The following FCHO2 variants were observed in gnomAD, a reference collection of about 807,000 sequenced individuals.
FCHO2 encodes F-BAR domain only protein 2.
Under a neutral mutation model 114.1 loss-of-function variants are expected in FCHO2, and 43 were observed. That is an observed-to-expected ratio of 0.38 (90% CI 0.30 to 0.49). The LOEUF (loss-of-function observed/expected upper bound fraction) is 0.49. FCHO2 is among the 20% of genes least tolerant of loss of function. The probability of loss-of-function intolerance (pLI) is 0.97; values close to 1 mark genes in which losing one functional copy is unlikely to be tolerated. For synonymous variants in FCHO2, 293 were observed against 315.2 expected (o/e 0.93, Z 0.75); for missense variants, 807 against 950.4 (o/e 0.85, Z 1.98).
intron 1 of FCHO2, among the ~76,000 whole-genome samples, chr5:72,957,245 T>TAA (rs1373472269): frequency 2.0e-5 from 3 of 151,076 alleles, no homozygotes; most frequent in Non-Finnish European, 3.0e-5. Flanking sequence ...TCCGTACCAA[T>TAA]ACACTCATTT....
At chr5:72,995,906 A>G (rs1253250074) in intron 5 of FCHO2, among the ~76,000 whole-genome samples, 1 of 152,124 alleles carries the variant, frequency 6.6e-6, no homozygotes, top group Admixed American at 6.6e-5. Flanking sequence ...CATTCAAACC[A>G]TAGCAGCTCC....
intron 8 of FCHO2, among the ~76,000 whole-genome samples, chr5:73,026,660 A>G (rs1402370824): frequency 5.9e-5 from 9 of 152,016 alleles, no homozygotes; most frequent in Admixed American, 4.6e-4. Flanking sequence ...TACTTATTGT[A>G]TGTACTGACA....
chr5:72,968,910 A>G (rs1016710431), intron 2 of FCHO2, among the ~76,000 whole-genome samples: 5 of 152,206 alleles, frequency 3.3e-5, no homozygotes, highest in African/African-American at 1.2e-4. Flanking sequence ...AACATTTGTT[A>G]ACCATGCTAA....
chr5:73,084,331 TC>T (rs1743220479), intron 24 of FCHO2, among the ~76,000 whole-genome samples: 1 of 152,190 alleles, frequency 6.6e-6, no homozygotes, highest in African/African-American at 2.4e-5. Flanking sequence ...AGCGGCATGA[TC>T]TTGGCTCACT....
At chr5:73,014,439 C>A (rs966476160) in intron 6 of FCHO2, among the ~76,000 whole-genome samples, 1 of 151,808 alleles carries the variant, frequency 6.6e-6, no homozygotes, top group Non-Finnish European at 1.5e-5. Context: ...CAGGCACGCG[C>A]CACCACGCCT....
intron 6 of FCHO2, among the ~76,000 whole-genome samples, chr5:73,013,304 T>A (rs1036751297): frequency 6.6e-6 from 1 of 152,132 alleles, no homozygotes; most frequent in African/African-American, 2.4e-5. Context: ...ACATTAGATA[T>A]CATTTGGTGA....
intron 21 of FCHO2, among the ~76,000 whole-genome samples, chr5:73,077,849 C>CA (rs1285136171): frequency 2.0e-5 from 3 of 150,416 alleles, no homozygotes; most frequent in Admixed American, 6.6e-5. Flanking sequence ...GACCCTGTCT[C>CA]AAAAAAAAAT....
chr5:72,997,001 C>G, intron 5 of FCHO2: 2 of 1,582,722 alleles, frequency 1.3e-6, no homozygotes, highest in Non-Finnish European at 1.7e-6. Flanking sequence ...CGCCCTTTTG[C>G]GGTGGCAGAT....
At chr5:73,041,138 G>T (rs1320632111) in intron 10 of FCHO2, among the ~76,000 whole-genome samples, 153 bp from the exon 11 acceptor site, 1 of 151,842 alleles carries the variant, frequency 6.6e-6, no homozygotes, top group Non-Finnish European at 1.5e-5. Context: ...AAAATAATTT[G>T]GTATGTTTTA....
intron 11 of FCHO2, among the ~76,000 whole-genome samples, chr5:73,045,528 A>G (rs915263664): frequency 2.0e-5 from 3 of 152,140 alleles, no homozygotes; most frequent in Admixed American, 1.3e-4. Context: ...TTGTTTTTCA[A>G]TTTTTGGCTA....
chr5:73,003,847 C>T (rs1461674621), intron 5 of FCHO2, among the ~76,000 whole-genome samples: 1 of 151,762 alleles, frequency 6.6e-6, no homozygotes, highest in Admixed American at 6.6e-5. Flanking sequence ...AGTTCGAGAT[C>T]AGCTTGGCCA....
At position 73,017,247 on chromosome 5, in the gene FCHO2, T is replaced by C; in HGVS notation, c.735T>C (p.Thr245=). The C allele has an allele frequency of 6.4e-7, 1 of 1,560,908 alleles. No homozygotes were observed. Among genetic ancestry groups the C allele is most frequent in the East Asian group, 2.4e-5 (1 of 42,128 alleles). ...AATTTATAAATAACATGGCTAATAC[T>C]ACAGTTGAAAGTTTGATACAAAAAT... is the stretch of plus-strand genomic sequence containing the variant. ...HEEFINNMAN[T]TVESLIQKFA... is the part of the protein sequence containing the mutation. The change falls in exon 8 of 26, where the codon ACT becomes ACC. Residue 245 remains threonine (T), a synonymous_variant. Transcript: ENST00000430046.
In FCHO2 at chr5:72,956,141, A is replaced by G. The variant is rs1024814795; in HGVS notation, c.33+12A>G. The stretch of plus-strand genomic sequence containing the variant: ...TCGAGAATTTTTGGGTAAGCTTAGG[A>G]TGTTGGAAGTCGTGTGTTTCGAAGT... On this transcript the variant is annotated intron_variant, in intron 1 of 25. Coordinates refer to ENST00000430046, the MANE Select transcript of FCHO2 (RefSeq NM_138782.3). 3.9e-6 allele frequency: 6 copies of G among 1,535,248 alleles called. No individual in the cohort carries two copies. Among genetic ancestry groups the G allele is most frequent in the Admixed American group, 4.0e-5 (2 of 49,522 alleles).
chr5:73,010,900 AAAG>A (rs1467099097), intron 6 of FCHO2, among the ~76,000 whole-genome samples: 12 of 150,972 alleles, frequency 7.9e-5, no homozygotes, highest in African/African-American at 2.4e-4. Flanking sequence ...AAAAAAAAAA[AAAG>A]AGAGAATGTA....
chr5:73,081,703 A>T (rs1029434378), intron 22 of FCHO2, 80 bp from the exon 23 acceptor site: 1 of 1,056,370 alleles, frequency 9.5e-7, no homozygotes. Context: ...GTGGACTTAC[A>T]TGTTCAAGTG....
At chr5:73,038,093 T>C (rs1004050361) in intron 10 of FCHO2, 16 of 156,392 alleles carry the variant, frequency 1.0e-4, no homozygotes, top group African/African-American at 3.9e-4. Flanking sequence ...AAAATTAATA[T>C]ACAAAGAATA....
At chr5:73,041,415 A>G in intron 11 of FCHO2, 100 bp downstream of exon 11, 1 of 663,406 alleles carries the variant, frequency 1.5e-6, no homozygotes, top group Non-Finnish European at 2.5e-6. Context: ...CTTTCAAAGA[A>G]AAATACCATC....
At chr5:72,969,435 C>G (rs959450793) in intron 2 of FCHO2, among the ~76,000 whole-genome samples, 1 of 152,170 alleles carries the variant, frequency 6.6e-6, no homozygotes, top group Non-Finnish European at 1.5e-5. Flanking sequence ...CTCCTCTCTA[C>G]TGGAATCAAC....
intron 1 of FCHO2, among the ~76,000 whole-genome samples, chr5:72,967,642 CAG>C (rs2112600208): frequency 6.6e-6 from 1 of 152,106 alleles, no homozygotes; most frequent in Middle Eastern, 3.4e-3. Context: ...TTGTTTTTGC[CAG>C]AGTCTCACCC....
Sources: gnomAD v4.1 joint callset for allele counts (sites outside exome capture counted in the v4.1 genomes callset) on GRCh38, gnomAD v4.1.1 for gene constraint, MANE v1.5 for transcripts, NCBI Gene and HGNC (gene_info 2026-07-23, HGNC 2026-07-21) for gene names.